BMP1: variants seen among roughly 807,000 people sequenced by gnomAD.
BMP1 encodes the protein bone morphogenetic protein 1.
In BMP1, 63 loss-of-function variants were observed where a neutral mutation model predicts 116.8. That is an observed-to-expected ratio of 0.54 (90% CI 0.44 to 0.67). The LOEUF is 0.67. Among genes scored for constraint, BMP1 ranks in the 30% least tolerant of loss-of-function variants. BMP1 has a pLI of 0.00. For synonymous variants in BMP1, 536 were observed against 533.4 expected (o/e 1.00, Z -0.07); for missense variants, 1,183 against 1,358.9 (o/e 0.87, Z 2.04).
Position 22,212,223 on chromosome 8 carries a change from G to A in BMP1, c.*495G>A, listed in dbSNP as rs573569843. ...CCCCCAGGAGCCACCGTGGGGAGCC[G>A]ATGGGGAGGGGATGGAGAAACAAGA... is the stretch of plus-strand genomic sequence containing the variant. On this transcript the variant is annotated 3_prime_UTR_variant, in exon 20 of 20. Transcript: ENST00000306385. The A allele has an allele frequency of 1.2e-4, 20 of 162,882 alleles. No homozygotes were observed. The highest frequency in any genetic ancestry group is 2.9e-4 in the Admixed American group (5 of 17,438). 10.1% of individuals were successfully genotyped at this position (162,882 alleles called of 1,614,324 possible).
chr8:22,208,130 C>T (rs555038179), intron 18 of BMP1, among the ~76,000 whole-genome samples: 231 of 152,294 alleles, frequency 1.5e-3, no homozygotes, highest in African/African-American at 5.4e-3. Flanking sequence ...GTGATCCGCC[C>T]GCCTTGGCCT....
intron 16 of BMP1, among the ~76,000 whole-genome samples, chr8:22,205,708 A>C (rs1829340256): frequency 6.6e-6 from 1 of 152,106 alleles, no homozygotes; most frequent in Non-Finnish European, 1.5e-5. Flanking sequence ...CTAGGAGCTC[A>C]AGGCTATGGT....
At chr8:22,185,472 A>G (rs1299017359) in intron 8 of BMP1, among the ~76,000 whole-genome samples, 1 of 152,010 alleles carries the variant, frequency 6.6e-6, no homozygotes, top group Admixed American at 6.6e-5. Flanking sequence ...GGAAAAAATA[A>G]AAATAAAAAT....
At chr8:22,192,208 C>G in intron 9 of BMP1, 57 bp downstream of exon 9, 1 of 1,446,428 alleles carries the variant, frequency 6.9e-7, no homozygotes, top group Non-Finnish European at 9.7e-7. Flanking sequence ...CTGAGCCACC[C>G]TCATCACACT....
intron 16 of BMP1, among the ~76,000 whole-genome samples, chr8:22,204,704 C>G (rs1333983076): frequency 1.3e-5 from 2 of 152,036 alleles, no homozygotes; most frequent in African/African-American, 4.8e-5. Context: ...GCCTGGGCAA[C>G]AGAGCAAGAC....
At chr8:22,168,492 A>G (rs2131836632) in intron 1 of BMP1, among the ~76,000 whole-genome samples, 1 of 152,242 alleles carries the variant, frequency 6.6e-6, no homozygotes, top group East Asian at 1.9e-4. Context: ...AGCATGTCAC[A>G]CCCAGAGCTG....
At chr8:22,208,087 T>C (rs1829397650) in intron 18 of BMP1, among the ~76,000 whole-genome samples, 1 of 152,154 alleles carries the variant, frequency 6.6e-6, no homozygotes, top group Admixed American at 6.5e-5. Flanking sequence ...TTTCGCCATG[T>C]TGGCCAGGCC....
rs965593759 is a variant in BMP1, at chr8:22,179,946, C to T, written c.961+117C>T. 2.4e-5 allele frequency: 28 copies of T among 1,180,500 alleles called. No homozygotes were observed. Among genetic ancestry groups the T allele is most frequent in the Non-Finnish European group, 3.2e-5 (27 of 852,984 alleles). The allele number at this position is 1,180,500 out of a possible 1,614,324, so 73.1% of individuals were successfully genotyped here. A position where few individuals can be genotyped will look rare whatever the true frequency, so the allele number is the denominator to read the frequency against. ...CTGCAAGTCTTAGAGAATGGTGTGGCGGGGGAGGGGACCCCATAGGAGGGG... is the reference window on the plus strand; with the variant it reads ...CTGCAAGTCTTAGAGAATGGTGTGGTGGGGGAGGGGACCCCATAGGAGGGG... On this transcript the variant is annotated intron_variant, in intron 7 of 19. Transcript: ENST00000306385. The surrounding 1 kb of genome is among the most constrained non-coding windows in gnomAD (Gnocchi z 4.6).
At chr8:22,178,067 T>C in intron 6 of BMP1, 110 bp downstream of exon 6, 1 of 925,024 alleles carries the variant, frequency 1.1e-6, no homozygotes, top group Non-Finnish European at 1.6e-6. Flanking sequence ...AGGAAAAGAG[T>C]GGCCCTCTGG....
chr8:22,207,120 C>T, intron 17 of BMP1, 139 bp downstream of exon 17: 3 of 1,438,972 alleles, frequency 2.1e-6, no homozygotes, highest in African/African-American at 1.4e-5. Flanking sequence ...GACAGAGGCC[C>T]CTTTCCCAGT....
chr8:22,201,200 G>A (rs371992060), intron 15 of BMP1: 16 of 1,609,908 alleles, frequency 9.9e-6, no homozygotes, highest in Non-Finnish European at 1.3e-5. Context: ...GGACCCCCCA[G>A]TGAGGCCTGC....
chr8:22,188,427 C>A (rs1828840122), intron 8 of BMP1, among the ~76,000 whole-genome samples: 1 of 152,194 alleles, frequency 6.6e-6, no homozygotes, highest in African/African-American at 2.4e-5. Context: ...GCCTCAGTCA[C>A]CCAAAGTGCT....
intron 18 of BMP1, 58 bp downstream of exon 18, chr8:22,207,574 G>C: frequency 6.3e-7 from 1 of 1,584,490 alleles, no homozygotes. Flanking sequence ...CTGGGGTAGA[G>C]TCGGGGGTTT....
At chr8:22,201,986 G>A (rs1586469983) in intron 16 of BMP1, 58 bp downstream of exon 16, 1 of 1,560,756 alleles carries the variant, frequency 6.4e-7, no homozygotes, top group Non-Finnish European at 8.7e-7. Context: ...GGGAGTGGAA[G>A]CCCAGAGGAT....
In BMP1 at chr8:22,181,418, C is replaced by G. The variant is rs543317865; in HGVS notation, c.1077+935C>G. On this transcript the variant is annotated intron_variant, in intron 8 of 19. Coordinates refer to ENST00000306385, the MANE Select transcript of BMP1 (RefSeq NM_006129.5). Reference sequence around the variant, plus strand: ...TAATTGGTGGCAAGTAGGGTGGACACCGAGTGTGGGGAGGGCCCCCGAGCC... The same window carrying G: ...TAATTGGTGGCAAGTAGGGTGGACAGCGAGTGTGGGGAGGGCCCCCGAGCC... Among the ~76,000 whole-genome samples the G allele has an allele frequency of 1.1e-4, 16 of 152,168 alleles. 1 individual carries two copies. The highest frequency in any genetic ancestry group is 1.9e-4 in the Non-Finnish European group (13 of 68,008).
chr8:22,195,649 A>G lies in BMP1; in HGVS notation c.1765+62A>G. 3 of 1,563,144 alleles carry G rather than the reference A, an allele frequency of 1.9e-6. No homozygotes were observed. The Admixed American group carries it at 6.5e-5, about 34-fold the overall frequency. On this transcript the variant is annotated intron_variant, in intron 13 of 19. Coordinates refer to ENST00000306385, the MANE Select transcript of BMP1 (RefSeq NM_006129.5). ...CCCTGGCACCAGCCCACCTGCCCAG[A>G]ATTTTTTTTTTTTTTAGACAGGCTT...
rs1829370663 is a variant in BMP1, at chr8:22,206,943, T to G, written c.2323T>G (p.Trp775Gly). 6.2e-7 allele frequency: 1 copy of G among 1,614,024 alleles called. No individual in the cohort carries two copies. Among genetic ancestry groups the G allele is most frequent in the African/African-American group, 1.3e-5 (1 of 74,906 alleles). The change falls in exon 17 of 20, where the codon TGG becomes GGG. Residue 775 changes from tryptophan (W) to glycine (G), a missense_variant. Physicochemically the swap from Trp to Gly is radical, Grantham distance 184. This residue lies in a region of BMP1 where 956 missense variants were observed against 1,135.2 expected (regional missense o/e 0.84). Transcript: ENST00000306385. The stretch of plus-strand genomic sequence containing the variant: ...GTATCCCAGCAAGAAGGAGTGCACG[T>G]GGGCCATCTCCAGCACCCCCGGGCA... ...DKYPSKKECT[W>G]AISSTPGHRV...
At chr8:22,183,590 A>AAAT (rs1403647849) in intron 8 of BMP1, among the ~76,000 whole-genome samples, 1 of 133,882 alleles carries the variant, frequency 7.5e-6, no homozygotes, top group African/African-American at 3.4e-5. Context: ...GGTATGTGTT[A>AAAT]AATTATTATT....
At chr8:22,178,013 G>T in intron 6 of BMP1, 56 bp downstream of exon 6, 1 of 1,389,076 alleles carries the variant, frequency 7.2e-7, no homozygotes, top group South Asian at 1.3e-5. Context: ...CCTGCCCTCT[G>T]TAGGCTATTC....
Sources: allele counts gnomAD v4.1 joint callset (sites outside exome capture counted in the v4.1 genomes callset), GRCh38; gene constraint gnomAD v4.1.1; regional missense constraint gnomAD v4.1.1; non-coding constraint Gnocchi (gnomAD v3.1); transcripts MANE v1.5; gene names NCBI Gene and HGNC (gene_info 2026-07-23, HGNC 2026-07-21).